Variants in IGFBP7 observed in about 807,000 individuals in gnomAD.
IGFBP7 encodes the protein insulin like growth factor binding protein 7.
In IGFBP7, 31 loss-of-function variants were observed where a neutral mutation model predicts 29.4. That is an observed-to-expected ratio of 1.05 (90% CI 0.79 to 1.42). The LOEUF (loss-of-function observed/expected upper bound fraction) is 1.42. Ranked by LOEUF, IGFBP7 falls within the 40% of genes most tolerant of loss-of-function variation. The probability of loss-of-function intolerance (pLI) is 0.00; values close to 1 mark genes in which losing one functional copy is unlikely to be tolerated. For missense variants in IGFBP7, 393 were observed against 395.5 expected (o/e 0.99, Z 0.05); for synonymous variants, 172 against 174.9 (o/e 0.98, Z 0.13).
chr4:57,032,674 G>C, intron 3 of IGFBP7, 122 bp from the exon 4 acceptor site: 1 of 798,690 alleles, frequency 1.3e-6, no homozygotes, highest in Non-Finnish European at 2.2e-6. Context: ...CAAAGGTACT[G>C]CTAGAAGCAG....
chr4:57,054,010 T>C (rs912629843), intron 1 of IGFBP7, among the ~76,000 whole-genome samples: 15 of 152,038 alleles, frequency 9.9e-5, no homozygotes, highest in Non-Finnish European at 4.4e-5. Flanking sequence ...CCTAGGAAAT[T>C]TCTCCTTCTT....
At chr4:57,086,397 C>G (rs906391734) in intron 1 of IGFBP7, among the ~76,000 whole-genome samples, 1 of 152,184 alleles carries the variant, frequency 6.6e-6, no homozygotes, top group African/African-American at 2.4e-5. Context: ...GCTACTCAAG[C>G]CCCTTCCACC....
At chr4:57,104,573 A>G (rs1359383909) in intron 1 of IGFBP7, among the ~76,000 whole-genome samples, 1 of 152,252 alleles carries the variant, frequency 6.6e-6, no homozygotes, top group East Asian at 1.9e-4. Flanking sequence ...TATTATCAAC[A>G]TAAAAAATGA....
At chr4:57,057,448 G>C (rs1201055048) in intron 1 of IGFBP7, among the ~76,000 whole-genome samples, 1 of 152,198 alleles carries the variant, frequency 6.6e-6, no homozygotes, top group Non-Finnish European at 1.5e-5. Flanking sequence ...GCAACCATCA[G>C]TTCTGGCCTT....
rs189273210 is a variant in IGFBP7, at chr4:57,061,401, A to G, written c.476-20468T>C. On this transcript the variant is annotated intron_variant, in intron 1 of 4. Transcript: ENST00000295666. Reference sequence around the variant, plus strand: ...GAGATTAACAACAGCAACTAATAGTAAAATAGAACAACTATAACAATAAAC... The same window carrying G: ...GAGATTAACAACAGCAACTAATAGTGAAATAGAACAACTATAACAATAAAC... Among the ~76,000 whole-genome samples, 42 of 152,366 alleles carry G rather than the reference A, an allele frequency of 2.8e-4. No homozygotes were observed. The East Asian group carries it at 7.7e-3, about 28-fold the overall frequency.
At chr4:57,077,820 G>A (rs999408034) in intron 1 of IGFBP7, among the ~76,000 whole-genome samples, 2 of 152,142 alleles carry the variant, frequency 1.3e-5, no homozygotes, top group African/African-American at 4.8e-5. Flanking sequence ...ATGACTTAAC[G>A]GTTTGAGCCT....
At chr4:57,037,149 C>T (rs578097367) in intron 2 of IGFBP7, among the ~76,000 whole-genome samples, 5 of 152,160 alleles carry the variant, frequency 3.3e-5, no homozygotes, top group Middle Eastern at 3.4e-3. Context: ...TGGTTGTGAT[C>T]GCTACATTAG....
At chr4:57,062,616 C>A (rs1056029284) in intron 1 of IGFBP7, among the ~76,000 whole-genome samples, 3 of 152,148 alleles carry the variant, frequency 2.0e-5, no homozygotes, top group Non-Finnish European at 4.4e-5. Context: ...GATCTGGGAA[C>A]CCGAGCCCTT....
chr4:57,092,464 C>G (rs1200601751), intron 1 of IGFBP7, among the ~76,000 whole-genome samples: 1 of 151,992 alleles, frequency 6.6e-6, no homozygotes, highest in African/African-American at 2.4e-5. Context: ...TAAATAGAAA[C>G]TAGGATGCAG....
chr4:57,110,006 G>T lies in IGFBP7; in HGVS notation c.346C>A (p.Arg116Ser). 1 of 1,548,436 alleles carries T rather than the reference G, an allele frequency of 6.5e-7. No homozygotes were observed. The highest frequency in any genetic ancestry group is 8.7e-7 in the Non-Finnish European group (1 of 1,152,846). ...CCGTCGCTGCCGCACACCGGGTAGC[G>T]GCTCTTGCACACGCACACGCCGCTT... is the stretch of plus-strand genomic sequence containing the variant. ...GVSGVCVCKS[R>S]YPVCGSDGTT... The change falls in exon 1 of 5, where the codon CGC (arginine) becomes AGC (serine). Residue 116 changes from arginine (R) to serine (S), a missense_variant. Transcript: ENST00000295666.
chr4:57,095,667 G>A (rs1236285235), intron 1 of IGFBP7, among the ~76,000 whole-genome samples: 3 of 152,148 alleles, frequency 2.0e-5, no homozygotes, highest in Admixed American at 1.3e-4. Context: ...GATTAGAGGG[G>A]AGATGATAAA....
chr4:57,098,222 C>T (rs544004092), intron 1 of IGFBP7, among the ~76,000 whole-genome samples: 11 of 152,164 alleles, frequency 7.2e-5, no homozygotes, highest in Non-Finnish European at 1.5e-4. Flanking sequence ...AGGAGTGGAC[C>T]GAGCAGGACT....
At chr4:57,090,041 C>T (rs867150115) in intron 1 of IGFBP7, among the ~76,000 whole-genome samples, 15 of 152,194 alleles carry the variant, frequency 9.9e-5, no homozygotes, top group African/African-American at 3.6e-4. Context: ...ACCATCTACA[C>T]CTAAACTCCC....
intron 1 of IGFBP7, 34 bp downstream of exon 1, chr4:57,109,843 G>A (rs1726131602): frequency 2.6e-6 from 4 of 1,528,996 alleles, no homozygotes; most frequent in Non-Finnish European, 3.5e-6. Context: ...GGGCCGAGCG[G>A]CGCAGGGTTG....
rs147195352 is a variant in IGFBP7, at chr4:57,030,934, A to G, written c.*383T>C. The stretch of plus-strand genomic sequence containing the variant: ...TGCGAATGCCTTACGCATGCAAACT[A>G]TTGTTTCAGGAACTTATGTCTATGA... On this transcript the variant is annotated 3_prime_UTR_variant, in exon 5 of 5. Coordinates refer to ENST00000295666, the MANE Select transcript of IGFBP7 (RefSeq NM_001553.3). The G allele has an allele frequency of 2.1e-4, 336 of 1,610,362 alleles. No homozygotes were observed. Among genetic ancestry groups the G allele is most frequent in the Non-Finnish European group, 2.7e-4 (313 of 1,176,728 alleles).
intron 1 of IGFBP7, among the ~76,000 whole-genome samples, chr4:57,076,857 A>G (rs946476888): frequency 6.6e-6 from 1 of 152,236 alleles, no homozygotes; most frequent in Non-Finnish European, 1.5e-5. Flanking sequence ...AGGATATCCA[A>G]CAATAAAGAG....
intron 1 of IGFBP7, among the ~76,000 whole-genome samples, chr4:57,080,069 C>T (rs779899649): frequency 1.3e-5 from 2 of 152,184 alleles, no homozygotes; most frequent in African/African-American, 2.4e-5. Flanking sequence ...ACGATTCCCA[C>T]GGTTTTCTGA....
intron 1 of IGFBP7, among the ~76,000 whole-genome samples, chr4:57,091,582 A>C (rs2109795667): frequency 6.6e-6 from 1 of 152,348 alleles, no homozygotes; most frequent in East Asian, 1.9e-4. Context: ...ATGCATATGA[A>C]CATATGTGAA....
At chr4:57,052,760 G>A (rs1366859495) in intron 1 of IGFBP7, among the ~76,000 whole-genome samples, 4 of 152,172 alleles carry the variant, frequency 2.6e-5, no homozygotes. Flanking sequence ...CTGATTGCTA[G>A]TTACCTCTGG....
Sources: gnomAD v4.1 joint callset for allele counts (sites outside exome capture counted in the v4.1 genomes callset) on GRCh38, gnomAD v4.1.1 for gene constraint, MANE v1.5 for transcripts, NCBI Gene and HGNC (gene_info 2026-07-23, HGNC 2026-07-21) for gene names.